PTPRT: variants seen among roughly 807,000 people sequenced by gnomAD.
PTPRT encodes the protein receptor-type tyrosine-protein phosphatase T.
PTPRT carries 56 observed loss-of-function variants against 176.8 expected under a neutral mutation model. The observed-to-expected ratio is 0.32, with a 90% CI of 0.26 to 0.40. The LOEUF is 0.40. Among genes scored for constraint, PTPRT ranks in the 10% least tolerant of loss-of-function variants. The pLI, the probability that PTPRT is intolerant of heterozygous loss-of-function variation, is 1.00. For missense variants in PTPRT, 1,540 were observed against 1,908.2 expected, an observed-to-expected ratio of 0.81 and a Z score of 3.60; for synonymous variants, 783 against 739.0, an observed-to-expected ratio of 1.06 and a Z score of -0.96.
chr20:42,559,898 T>C (rs955137141), intron 7 of PTPRT, among the ~76,000 whole-genome samples: 1 of 152,170 alleles, frequency 6.6e-6, no homozygotes, highest in Non-Finnish European at 1.5e-5. Context: ...GGTGAGAAGT[T>C]TTTGAACTGT....
At chr20:42,763,479 A>T (rs985021816) in intron 5 of PTPRT, among the ~76,000 whole-genome samples, 1 of 152,230 alleles carries the variant, frequency 6.6e-6, no homozygotes, top group Non-Finnish European at 1.5e-5. Context: ...AAAATGATAA[A>T]GATAAAAATA....
At chr20:42,421,994 T>G (rs145978825) in intron 9 of PTPRT, among the ~76,000 whole-genome samples, 56 of 152,310 alleles carry the variant, frequency 3.7e-4, no homozygotes, top group African/African-American at 1.2e-3. Flanking sequence ...GATAACTGAC[T>G]AGCCATATGC....
At chr20:43,038,793 C>T (rs952813766) in intron 1 of PTPRT, among the ~76,000 whole-genome samples, 17 of 152,076 alleles carry the variant, frequency 1.1e-4, no homozygotes, top group Non-Finnish European at 1.5e-4. Context: ...TCTATTTATA[C>T]GAGCAATAGC....
At chr20:43,054,567 G>A (rs1297627988) in intron 1 of PTPRT, among the ~76,000 whole-genome samples, 2 of 142,736 alleles carry the variant, frequency 1.4e-5, no homozygotes, top group Non-Finnish European at 3.0e-5. Context: ...AAAAAGAAGG[G>A]GAAAAAAAAA....
intron 16 of PTPRT, among the ~76,000 whole-genome samples, chr20:42,192,819 G>A (rs780135223): frequency 4.6e-5 from 7 of 152,294 alleles, no homozygotes; most frequent in Non-Finnish European, 8.8e-5. Context: ...TTTGGGATGC[G>A]TAAGGATGGG....
rs370665999 is a variant in PTPRT, at chr20:42,962,600, T to C, written c.89-76668A>G. Among the ~76,000 whole-genome samples the C allele has an allele frequency of 2.6e-5, 4 of 152,206 alleles. No homozygotes were observed. In the South Asian group the frequency reaches 8.3e-4, roughly 32 times the overall value. On this transcript the variant is annotated intron_variant, in intron 1 of 30. Coordinates refer to ENST00000373187, the MANE Select transcript of PTPRT (RefSeq NM_007050.6). ...ATAAGTAAATGACTGATCTCAGATT[T>C]CTTTACAATACTGGGCTGAAAACGC...
intron 1 of PTPRT, among the ~76,000 whole-genome samples, chr20:43,097,415 G>C (rs1351948358): frequency 6.6e-6 from 1 of 152,206 alleles, no homozygotes; most frequent in Non-Finnish European, 1.5e-5. Context: ...AGTTGATGAT[G>C]ATATAGGAAA....
chr20:43,107,562 G>T (rs2012671187), intron 1 of PTPRT, among the ~76,000 whole-genome samples: 2 of 152,202 alleles, frequency 1.3e-5, no homozygotes, highest in South Asian at 4.1e-4. Context: ...ATCAAGATCA[G>T]CCTCCTGGTT....
intron 7 of PTPRT, among the ~76,000 whole-genome samples, chr20:42,483,472 G>T (rs62204945): frequency 6.6e-6 from 1 of 152,140 alleles, no homozygotes; most frequent in East Asian, 1.9e-4. Context: ...GCCTCCACTC[G>T]TTCTTTAGGC....
chr20:42,655,898 T>G (rs536963196), intron 7 of PTPRT, among the ~76,000 whole-genome samples: 5 of 152,298 alleles, frequency 3.3e-5, no homozygotes, highest in African/African-American at 1.2e-4. Flanking sequence ...TGGGGATATA[T>G]TCATGTCTTG....
At position 42,486,518 on chromosome 20, in the gene PTPRT, T is replaced by A. The variant is rs115040964; in HGVS notation, c.1154-13956A>T. Among the ~76,000 whole-genome samples, 1,300 of 152,338 alleles carry A rather than the reference T, an allele frequency of 8.5e-3. 24 individuals carry two copies. The highest frequency in any genetic ancestry group is 0.03 in the African/African-American group (1,230 of 41,578). On this transcript the variant is annotated intron_variant, in intron 7 of 30. Coordinates refer to ENST00000373187, the MANE Select transcript of PTPRT (RefSeq NM_007050.6). Reference sequence around the variant, plus strand: ...TACCCTTCCTGGCCCCAGATTTATATTTATACATACCTCCTACATTTCTTG... The same window carrying A: ...TACCCTTCCTGGCCCCAGATTTATAATTATACATACCTCCTACATTTCTTG...
rs997885189 is a variant in PTPRT, at chr20:42,780,175, T to C, written c.568+43A>G. 3.4e-6 allele frequency: 5 copies of C among 1,485,000 alleles called. No individual in the cohort carries two copies. In the Admixed American group the frequency reaches 5.0e-5, roughly 15 times the overall value. 92.0% of individuals were successfully genotyped at this position (1,485,000 alleles called of 1,614,324 possible). A position where few individuals can be genotyped will look rare whatever the true frequency, so the allele number is the denominator to read the frequency against. On this transcript the variant is annotated intron_variant, in intron 4 of 30. Transcript: ENST00000373187. The stretch of plus-strand genomic sequence containing the variant: ...ATTGCAGGCTCTATGCTACCCAGTC[T>C]GGCATGGATCAAGGCTGTGTTGGGA...
intron 1 of PTPRT, among the ~76,000 whole-genome samples, chr20:43,000,940 T>C (rs889767212): frequency 2.0e-5 from 3 of 152,124 alleles, no homozygotes; most frequent in African/African-American, 7.2e-5. Flanking sequence ...AGGATTAAAA[T>C]AGAACTGCAC....
chr20:42,419,767 G>A (rs1184460878), intron 9 of PTPRT, among the ~76,000 whole-genome samples: 2 of 152,094 alleles, frequency 1.3e-5, no homozygotes, highest in Non-Finnish European at 1.5e-5. Context: ...GACCTTATTT[G>A]AAAATAAGGT....
chr20:42,368,946 G>A (rs1330604162), intron 9 of PTPRT, among the ~76,000 whole-genome samples: 2 of 152,130 alleles, frequency 1.3e-5, no homozygotes, highest in African/African-American at 2.4e-5. Context: ...GTGTGTGAGG[G>A]GTGGAGGAGT....
intron 1 of PTPRT, among the ~76,000 whole-genome samples, chr20:43,134,406 A>C (rs1490146017): frequency 1.3e-5 from 2 of 152,100 alleles, no homozygotes; most frequent in Non-Finnish European, 2.9e-5. Context: ...CCTCACTTGA[A>C]ATCTGAAGTT....
chr20:42,739,564 T>C (rs530862610), intron 6 of PTPRT, among the ~76,000 whole-genome samples: 1 of 151,780 alleles, frequency 6.6e-6, no homozygotes, highest in African/African-American at 2.4e-5. Context: ...GATGGGGAAG[T>C]GTTAGACAGG....
chr20:43,141,335 T>C (rs982910917), intron 1 of PTPRT, among the ~76,000 whole-genome samples: 8 of 152,294 alleles, frequency 5.3e-5, no homozygotes, highest in African/African-American at 1.9e-4. Context: ...CAGTTATGCA[T>C]CTGTGATCAG....
rs570760350 is a variant in PTPRT, at chr20:42,281,153, T to C, written c.2176+1336A>G. 1.4e-4 allele frequency among the ~76,000 whole-genome samples: 21 copies of C among 152,324 alleles called. No individual in the cohort carries two copies. The South Asian group carries it at 2.9e-3, about 21-fold the overall frequency. On this transcript the variant is annotated intron_variant, in intron 13 of 30. Transcript: ENST00000373187. Reference sequence around the variant, plus strand: ...AGTGCTACCCAATTGATGGTGTTCTTCCTTCTACATTATCTGTTTTCTTCA... The same window carrying C: ...AGTGCTACCCAATTGATGGTGTTCTCCCTTCTACATTATCTGTTTTCTTCA...
Sources: allele counts gnomAD v4.1 joint callset (sites outside exome capture counted in the v4.1 genomes callset), GRCh38; gene constraint gnomAD v4.1.1; transcripts MANE v1.5; gene names NCBI Gene and HGNC (gene_info 2026-07-23, HGNC 2026-07-21).